ATG7: variants seen among roughly 807,000 people sequenced by gnomAD.
ATG7 encodes the protein autophagy related 7, also known as ubiquitin-like modifier-activating enzyme ATG7.
In ATG7, 70 loss-of-function variants were observed where a neutral mutation model predicts 82.4. That is an observed-to-expected ratio of 0.85 (90% confidence interval 0.70 to 1.04). ATG7 has a LOEUF of 1.04. Ranked by LOEUF, ATG7 falls within the 50% of genes least tolerant of loss-of-function variation. ATG7 has a pLI of 0.00. For synonymous variants in ATG7, 287 were observed against 313.0 expected (o/e 0.92, Z 0.88); for missense variants, 792 against 864.3 (o/e 0.92, Z 1.05).
intron 11 of ATG7, among the ~76,000 whole-genome samples, chr3:11,335,500 G>A (rs1009141817): frequency 2.0e-5 from 3 of 152,188 alleles, no homozygotes; most frequent in Non-Finnish European, 4.4e-5. Context: ...TAGGGAATGA[G>A]GTGAGAGTTA....
chr3:11,489,646 G>A (rs2090144724), intron 20 of ATG7, among the ~76,000 whole-genome samples: 1 of 145,244 alleles, frequency 6.9e-6, no homozygotes, highest in African/African-American at 2.5e-5. Context: ...ACACTGCTTT[G>A]AATGTGTCCC....
intron 17 of ATG7, among the ~76,000 whole-genome samples, chr3:11,363,256 T>A (rs1255353804): frequency 1.3e-5 from 2 of 151,832 alleles, no homozygotes; most frequent in Admixed American, 6.6e-5. Context: ...TTTTTTTTTT[T>A]AACGAGACGG....
At chr3:11,284,267 T>G (rs1943562557) in intron 3 of ATG7, among the ~76,000 whole-genome samples, 1 of 152,236 alleles carries the variant, frequency 6.6e-6, no homozygotes, top group African/African-American at 2.4e-5. Flanking sequence ...TGTCCAATCC[T>G]AGAGGGAGAA....
chr3:11,426,726 G>A, intron 19 of ATG7, 78 bp from the exon 20 acceptor site: 1 of 1,321,528 alleles, frequency 7.6e-7, no homozygotes, highest in Non-Finnish European at 1.0e-6. Flanking sequence ...TTTGACAAGA[G>A]CTTGTTAGAA....
At chr3:11,471,024 A>C (rs1256484331) in intron 20 of ATG7, among the ~76,000 whole-genome samples, 1 of 152,082 alleles carries the variant, frequency 6.6e-6, no homozygotes, top group Non-Finnish European at 1.5e-5. Context: ...TTTCTCCATC[A>C]AACTCCCCAT....
At chr3:11,392,239 G>T (rs1202965687) in intron 19 of ATG7, among the ~76,000 whole-genome samples, 10 of 152,028 alleles carry the variant, frequency 6.6e-5, no homozygotes, top group African/African-American at 2.4e-4. Context: ...TCCCATTTTG[G>T]TTAATTCTCA....
chr3:11,406,000 G>GT (rs10644770), intron 19 of ATG7, among the ~76,000 whole-genome samples: 1 of 150,488 alleles, frequency 6.6e-6, no homozygotes, highest in Non-Finnish European at 1.5e-5. Context: ...TTTTGTTTTT[G>GT]TTTTTTGTAG....
In ATG7 at chr3:11,310,247, T is replaced by C. The variant is rs1948436134; in HGVS notation, c.411+1186T>C. Among the ~76,000 whole-genome samples, 3 of 152,232 alleles carry C rather than the reference T, an allele frequency of 2.0e-5. No individual in the cohort carries two copies. The South Asian group carries it at 6.2e-4, about 32-fold the overall frequency. On this transcript the variant is annotated intron_variant, in intron 7 of 20. Transcript: ENST00000693202. ...TTTTCTCCTGCTCATTTTACTTCTTTAGAATAAGTTCTTTGGAGCGGGCAT... is the reference window on the plus strand; with the variant it reads ...TTTTCTCCTGCTCATTTTACTTCTTCAGAATAAGTTCTTTGGAGCGGGCAT...
chr3:11,573,717 C>T, the ATG7 span, among the ~76,000 whole-genome samples: 2 of 152,220 alleles, frequency 1.3e-5, no homozygotes, highest in African/African-American at 2.4e-5. Context: ...TCTTTTCATA[C>T]ACTTACTGAC....
intron 20 of ATG7, among the ~76,000 whole-genome samples, chr3:11,530,940 C>A (rs2124975364): frequency 6.6e-6 from 1 of 152,276 alleles, no homozygotes; most frequent in South Asian, 2.1e-4. Flanking sequence ...AAGGTCACGC[C>A]ACTGCACTCC....
intron 18 of ATG7, among the ~76,000 whole-genome samples, chr3:11,370,050 T>C (rs1393672514): frequency 6.6e-6 from 1 of 151,144 alleles, no homozygotes; most frequent in African/African-American, 2.4e-5. Context: ...ATGGGGATAA[T>C]ATAATAAGCT....
intron 9 of ATG7, among the ~76,000 whole-genome samples, chr3:11,320,891 T>G (rs1267320877): frequency 6.6e-6 from 1 of 152,256 alleles, no homozygotes; most frequent in Non-Finnish European, 1.5e-5. Flanking sequence ...GTGAGCATTC[T>G]GTTGTCTGGT....
At chr3:11,537,590 A>G (rs756304095) in intron 20 of ATG7, among the ~76,000 whole-genome samples, 16 of 152,140 alleles carry the variant, frequency 1.1e-4, no homozygotes, top group Non-Finnish European at 2.2e-4. Context: ...AGGGGTCACA[A>G]TGAGAGTGAT....
intron 20 of ATG7, among the ~76,000 whole-genome samples, chr3:11,510,769 G>T (rs144014701): frequency 3.1e-4 from 47 of 152,302 alleles, no homozygotes; most frequent in Non-Finnish European, 5.9e-4. Context: ...CAGACTTCCA[G>T]GCTTGGGGTA....
At chr3:11,525,378 GAAAC>G (rs1246637269) in intron 20 of ATG7, among the ~76,000 whole-genome samples, 2 of 150,662 alleles carry the variant, frequency 1.3e-5, no homozygotes, top group Middle Eastern at 3.4e-3. Context: ...TTGAAAAGAG[GAAAC>G]AAAATGTTCC....
intron 20 of ATG7, among the ~76,000 whole-genome samples, chr3:11,491,283 A>C (rs1210289893): frequency 6.6e-6 from 1 of 152,078 alleles, no homozygotes; most frequent in Admixed American, 6.6e-5. Flanking sequence ...AGGCTTCTGC[A>C]TTCTTCACGT....
chr3:11,427,075 C>T (rs1576335976), intron 20 of ATG7, 149 bp downstream of exon 20: 13 of 1,061,116 alleles, frequency 1.2e-5, no homozygotes, highest in African/African-American at 4.9e-5. Flanking sequence ...TACCAGAGAA[C>T]GAATAACCCT....
chr3:11,495,080 A>G (rs1204211756), intron 20 of ATG7, among the ~76,000 whole-genome samples: 1 of 146,060 alleles, frequency 6.8e-6, no homozygotes, highest in Admixed American at 6.8e-5. Flanking sequence ...TCCGTCTCAG[A>G]AAAAAAAAAG....
intron 9 of ATG7, among the ~76,000 whole-genome samples, chr3:11,330,764 C>T (rs1042545031): frequency 1.3e-5 from 2 of 152,172 alleles, no homozygotes; most frequent in South Asian, 2.1e-4. Context: ...CTACTTCTGC[C>T]AGCAGAAGTC....
Sources: allele counts gnomAD v4.1 joint callset (sites outside exome capture counted in the v4.1 genomes callset), GRCh38; gene constraint gnomAD v4.1.1; transcripts MANE v1.5; gene names NCBI Gene and HGNC (gene_info 2026-07-23, HGNC 2026-07-21).